Variants in MRPL39 observed in about 807,000 individuals in gnomAD.
MRPL39 encodes large ribosomal subunit protein mL39.
MRPL39 carries 35 observed loss-of-function variants against 44.5 expected under a neutral mutation model. That is an observed-to-expected ratio of 0.79 (90% CI 0.60 to 1.04). MRPL39 has a LOEUF of 1.04. MRPL39 is among the 50% of genes least tolerant of loss of function. The pLI is 0.00. For missense variants in MRPL39, 433 were observed against 413.5 expected, an observed-to-expected ratio of 1.05 and a Z score of -0.41; for synonymous variants, 139 against 136.1, an observed-to-expected ratio of 1.02 and a Z score of -0.15.
At chr21:25,593,058 C>T (rs2031233736) in intron 7 of MRPL39, 93 bp from the exon 8 acceptor site, 3 of 1,112,828 alleles carry the variant, frequency 2.7e-6, no homozygotes, top group Admixed American at 2.4e-5. Flanking sequence ...TTGCTGCTAA[C>T]ATCCCTAATC....
At position 25,606,561 on chromosome 21, in the gene MRPL39, T is replaced by C. The variant is rs764362561; in HGVS notation, c.168A>G (p.Leu56=). 1.5e-5 allele frequency: 25 copies of C among 1,613,886 alleles called. No individual in the cohort carries two copies. Among genetic ancestry groups the C allele is most frequent in the Non-Finnish European group, 2.1e-5 (25 of 1,179,832 alleles). ...DLFNKEKARQ[L]SLTPRTEKIE... is the part of the protein sequence containing the mutation. ...TCTTCTCAGTTCGGGGAGTTAATGA[T>C]AACTGCCTGGCTTTCTCTTTATTAA... The change falls in exon 2 of 10, where the codon TTA becomes TTG. Residue 56 remains leucine (L), a synonymous_variant. Coordinates refer to ENST00000352957, the MANE Select transcript of MRPL39 (RefSeq NM_017446.4).
At chr21:25,589,863 A>T (rs943307864) in intron 8 of MRPL39, among the ~76,000 whole-genome samples, 2 of 152,238 alleles carry the variant, frequency 1.3e-5, no homozygotes, top group Non-Finnish European at 2.9e-5. Flanking sequence ...CAGAGACCTT[A>T]AGCTGTGGCT....
intron 4 of MRPL39, 120 bp downstream of exon 4, chr21:25,601,248 C>T (rs1028323795): frequency 4.2e-6 from 2 of 471,394 alleles, no homozygotes; most frequent in Non-Finnish European, 7.4e-6. Context: ...GATTTTGTTA[C>T]CCATGATAAA....
intron 9 of MRPL39, 122 bp downstream of exon 9, chr21:25,588,713 G>A (rs1004180667): frequency 1.5e-5 from 13 of 889,734 alleles, no homozygotes; most frequent in Non-Finnish European, 2.3e-5. Context: ...TTTGACTATT[G>A]AGACAACTTA....
chr21:25,593,543 CTAGT>C (rs1257882377), intron 7 of MRPL39, among the ~76,000 whole-genome samples: 3 of 152,216 alleles, frequency 2.0e-5, no homozygotes, highest in Non-Finnish European at 2.9e-5. Context: ...TAAGTAATTA[CTAGT>C]TAGTCAGTAT....
chr21:25,592,724 G>T, intron 8 of MRPL39, 88 bp downstream of exon 8: 3 of 1,002,192 alleles, frequency 3.0e-6, no homozygotes, highest in Non-Finnish European at 4.1e-6. Flanking sequence ...AAAATTAAAA[G>T]TTTATATTCT....
chr21:25,594,469 A>T (rs1165344779), intron 6 of MRPL39, among the ~76,000 whole-genome samples: 3 of 151,028 alleles, frequency 2.0e-5, no homozygotes, highest in Non-Finnish European at 4.4e-5. Context: ...CTGGTCTCAA[A>T]CTCCTGGTGT....
Position 25,606,446 on chromosome 21 carries a change from T to G in MRPL39, c.280+3A>C. The G allele has an allele frequency of 6.3e-7, 1 of 1,590,248 alleles. No homozygotes were observed. The highest frequency in any genetic ancestry group is 8.6e-7 in the Non-Finnish European group (1 of 1,167,334). On this transcript the variant is annotated splice_donor_region_variant and intron_variant, in intron 2 of 9. Coordinates refer to ENST00000352957, the MANE Select transcript of MRPL39 (RefSeq NM_017446.4). Reference sequence around the variant, plus strand: ...AAAACTGTAACCTGATTCTGCTACTTACGCATGGCACAACTGTAGGGAGTT... The same window carrying G: ...AAAACTGTAACCTGATTCTGCTACTGACGCATGGCACAACTGTAGGGAGTT...
intron 8 of MRPL39, among the ~76,000 whole-genome samples, chr21:25,591,084 A>C (rs1489479646): frequency 2.8e-5 from 4 of 142,722 alleles, no homozygotes; most frequent in Non-Finnish European, 5.9e-5. Flanking sequence ...GCCCACAAAA[A>C]AAAAAAAAAA....
chr21:25,587,699 A>G (rs756862352), intron 9 of MRPL39: 3 of 1,586,448 alleles, frequency 1.9e-6, no homozygotes, highest in Non-Finnish European at 2.6e-6. Flanking sequence ...GTTAGAGATT[A>G]CTCTGAGACT....
intron 9 of MRPL39, among the ~76,000 whole-genome samples, chr21:25,586,952 AT>A (rs1470781977): frequency 2.0e-5 from 3 of 152,130 alleles, no homozygotes; most frequent in African/African-American, 7.2e-5. Context: ...AATTTTGTGC[AT>A]TTTTTTGTAC....
At chr21:25,590,610 C>G (rs2031144308) in intron 8 of MRPL39, among the ~76,000 whole-genome samples, 1 of 151,750 alleles carries the variant, frequency 6.6e-6, no homozygotes, top group South Asian at 2.1e-4. Context: ...CTAAATTTTA[C>G]AAAATGAGAG....
upstream of MRPL39, chr21:25,607,532 C>G (rs560086836): frequency 6.4e-7 from 1 of 1,567,706 alleles, no homozygotes; most frequent in East Asian, 2.3e-5. Context: ...CCCCGGAAAC[C>G]GAACGCGCAC....
intron 7 of MRPL39, 100 bp from the exon 8 acceptor site, chr21:25,593,065 A>C: frequency 9.7e-7 from 1 of 1,034,304 alleles, no homozygotes; most frequent in African/African-American, 1.6e-5. Flanking sequence ...TAACATCCCT[A>C]ATCAAGAACA....
intron 1 of MRPL39, 132 bp downstream of exon 1, chr21:25,607,271 G>C: frequency 1.0e-6 from 1 of 955,644 alleles, no homozygotes; most frequent in Non-Finnish European, 1.6e-6. Flanking sequence ...AAGAGCGACC[G>C]CCGCGGAGGG....
intron 3 of MRPL39, among the ~76,000 whole-genome samples, chr21:25,603,250 G>T (rs1033034867): frequency 1.3e-5 from 2 of 152,154 alleles, no homozygotes; most frequent in African/African-American, 4.8e-5. Context: ...AGAAGCAGGG[G>T]GGAGGCCAAG....
chr21:25,601,687 T>C (rs920661584), intron 3 of MRPL39, among the ~76,000 whole-genome samples: 1 of 152,222 alleles, frequency 6.6e-6, no homozygotes, highest in Non-Finnish European at 1.5e-5. Flanking sequence ...CTTAGCAATG[T>C]TTCTGTGCAA....
intron 1 of MRPL39, 25 bp downstream of exon 1, chr21:25,607,378 T>C (rs1372437223): frequency 1.2e-6 from 2 of 1,613,304 alleles, no homozygotes; most frequent in Non-Finnish European, 1.7e-6. Flanking sequence ...CCTCGCTCCC[T>C]GTCCCTACGG....
At chr21:25,588,050 G>A (rs1000668971) in intron 9 of MRPL39, among the ~76,000 whole-genome samples, 2 of 152,160 alleles carry the variant, frequency 1.3e-5, no homozygotes, top group Admixed American at 6.5e-5. Context: ...GGTGGCTCAC[G>A]CCTGTAATCC....
Sources: gnomAD v4.1 joint callset for allele counts (sites outside exome capture counted in the v4.1 genomes callset) on GRCh38, gnomAD v4.1.1 for gene constraint, MANE v1.5 for transcripts, NCBI Gene and HGNC (gene_info 2026-07-23, HGNC 2026-07-21) for gene names.